The following MTUS2 variants were observed in gnomAD, a reference collection of about 807,000 sequenced individuals.
MTUS2 encodes the protein microtubule-associated tumor suppressor candidate 2.
MTUS2 carries 40 observed loss-of-function variants against 114.1 expected under a neutral mutation model. The observed-to-expected ratio is 0.35, with a 90% confidence interval of 0.27 to 0.46. The LOEUF is 0.46. Ranked by LOEUF, MTUS2 falls within the 20% of genes least tolerant of loss-of-function variation. The pLI is 1.00. For synonymous variants in MTUS2, 688 were observed against 672.0 expected (o/e 1.02, Z -0.37); for missense variants, 1,679 against 1,705.4 (o/e 0.98, Z 0.27).
At chr13:28,862,651 T>A (rs982332940) in intron 2 of MTUS2, among the ~76,000 whole-genome samples, 5 of 152,146 alleles carry the variant, frequency 3.3e-5, no homozygotes, top group Non-Finnish European at 1.5e-5. Flanking sequence ...ACACACAAGT[T>A]GTTGATTGTA....
At position 29,447,650 on chromosome 13, in the gene MTUS2, C is replaced by T. The variant is rs1226896581; in HGVS notation, c.3184+7601C>T. ...TTTTAATGCTGGTCATAAAGTATCT[C>T]ATCCTCAACTCACCCTCCATGGGTG... On this transcript the variant is annotated intron_variant, in intron 9 of 15. Coordinates refer to ENST00000612955, the MANE Select transcript of MTUS2 (RefSeq NM_001033602.4). Among the ~76,000 whole-genome samples the T allele has an allele frequency of 2.7e-5, 4 of 145,886 alleles. No individual in the cohort carries two copies. In the East Asian group the frequency reaches 8.0e-4, roughly 29 times the overall value.
chr13:29,423,904 G>C (rs531731656), intron 8 of MTUS2, among the ~76,000 whole-genome samples: 3 of 149,470 alleles, frequency 2.0e-5, no homozygotes, highest in African/African-American at 7.4e-5. Context: ...CACTTTTGTC[G>C]CCCAGGCTAC....
chr13:29,214,275 G>A (rs187705710), intron 5 of MTUS2, among the ~76,000 whole-genome samples: 102 of 151,622 alleles, frequency 6.7e-4, no homozygotes, highest in African/African-American at 2.4e-3. Context: ...CGGGTCTCCT[G>A]AATACAGCAC....
chr13:29,368,358 T>C (rs149005072), intron 8 of MTUS2, among the ~76,000 whole-genome samples: 3 of 152,262 alleles, frequency 2.0e-5, no homozygotes, highest in South Asian at 2.1e-4. Flanking sequence ...GAATTGCTGC[T>C]TCTTTTACAT....
At chr13:28,965,289 T>C (rs149479782) in intron 2 of MTUS2, among the ~76,000 whole-genome samples, 124 of 152,306 alleles carry the variant, frequency 8.1e-4, no homozygotes, top group African/African-American at 2.8e-3. Flanking sequence ...ACAAGTGGCC[T>C]CTAAGTCACT....
At chr13:29,079,516 A>T (rs1325954032) in intron 4 of MTUS2, among the ~76,000 whole-genome samples, 1 of 152,016 alleles carries the variant, frequency 6.6e-6, no homozygotes, top group Admixed American at 6.6e-5. Flanking sequence ...ATTTATACCT[A>T]TTTTTCCCCA....
chr13:28,999,329 T>TG (rs1206600026), intron 2 of MTUS2, among the ~76,000 whole-genome samples: 1 of 152,140 alleles, frequency 6.6e-6, no homozygotes, highest in African/African-American at 2.4e-5. Flanking sequence ...TTAGGCTACT[T>TG]GGGGGTCAGG....
At chr13:29,267,301 C>G (rs1897702597) in intron 5 of MTUS2, among the ~76,000 whole-genome samples, 1 of 152,250 alleles carries the variant, frequency 6.6e-6, no homozygotes, top group Non-Finnish European at 1.5e-5. Flanking sequence ...TAAATGCCAA[C>G]TCCTCCAAGA....
intron 2 of MTUS2, among the ~76,000 whole-genome samples, chr13:28,869,796 A>T (rs1005195374): frequency 2.6e-5 from 4 of 152,138 alleles, no homozygotes; most frequent in Non-Finnish European, 5.9e-5. Flanking sequence ...AAACAAAAAA[A>T]GTAGTAAAAC....
rs764598546 is a variant in MTUS2 at position 29,026,354 on chromosome 13, T to G, written c.1656T>G (p.Ser552Arg). 6.2e-7 allele frequency: 1 copy of G among 1,613,918 alleles called. No individual in the cohort carries two copies. The highest frequency in any genetic ancestry group is 2.2e-5 in the East Asian group (1 of 44,872). Reference protein sequence around the residue: ...VNMTYQPTTPSSSFQDVSVFG... With the variant: ...VNMTYQPTTPRSSFQDVSVFG... ...TGACCTACCAGCCTACAACACCCAGTAGCAGTTTTCAGGATGTTAGCGTGT... is the reference window on the plus strand; with the variant it reads ...TGACCTACCAGCCTACAACACCCAGGAGCAGTTTTCAGGATGTTAGCGTGT... The change falls in exon 3 of 16, where the codon AGT becomes AGG. Residue 552 changes from serine to arginine, a missense_variant. Ser to Arg is a moderately radical substitution (Grantham distance 110). Transcript: ENST00000612955.
intron 4 of MTUS2, among the ~76,000 whole-genome samples, chr13:29,092,732 G>A (rs2479801): frequency 0.7 from 102,213 of 146,124 alleles, 35,083 homozygotes; most frequent in Non-Finnish European, 0.76. Context: ...GGGCAGAGAC[G>A]TCATTGGCCA....
chr13:29,497,147 A>C, intron 12 of MTUS2, 91 bp from the exon 13 acceptor site: 1 of 1,122,240 alleles, frequency 8.9e-7, no homozygotes, highest in South Asian at 1.3e-5. Context: ...TGCCCAGGGC[A>C]CAGTGGTGGC....
At chr13:29,406,382 G>T (rs1223042060) in intron 8 of MTUS2, among the ~76,000 whole-genome samples, 1 of 152,118 alleles carries the variant, frequency 6.6e-6, no homozygotes, top group Non-Finnish European at 1.5e-5. Context: ...GACTGGGGCT[G>T]GAGAATTCTC....
intron 5 of MTUS2, among the ~76,000 whole-genome samples, chr13:29,148,616 C>T (rs2139030571): frequency 8.7e-6 from 1 of 114,520 alleles, no homozygotes; most frequent in African/African-American, 2.6e-5. Context: ...GTAGCTGGGA[C>T]TACAGGCGCC....
At chr13:29,467,225 T>C (rs1335207813) in intron 9 of MTUS2, among the ~76,000 whole-genome samples, 2 of 152,226 alleles carry the variant, frequency 1.3e-5, no homozygotes, top group Admixed American at 1.3e-4. Context: ...TTAAAACTTT[T>C]GCCTGTGTTT....
intron 2 of MTUS2, among the ~76,000 whole-genome samples, chr13:28,975,190 T>C (rs944162800): frequency 2.0e-5 from 3 of 152,104 alleles, no homozygotes; most frequent in African/African-American, 7.2e-5. Context: ...TAGTGTGGAG[T>C]GGGTAGGAAT....
At chr13:29,253,128 T>C (rs1322158394) in intron 5 of MTUS2, among the ~76,000 whole-genome samples, 2 of 151,540 alleles carry the variant, frequency 1.3e-5, no homozygotes, top group Non-Finnish European at 2.9e-5. Context: ...TTTCTCTCTC[T>C]AAAAATCACA....
intron 5 of MTUS2, among the ~76,000 whole-genome samples, chr13:29,258,757 G>C (rs1341077240): frequency 1.3e-5 from 2 of 152,108 alleles, no homozygotes; most frequent in African/African-American, 4.8e-5. Context: ...TTTCTCTTCT[G>C]CTTAAGCCTG....
chr13:29,210,529 T>C (rs1895380965), intron 5 of MTUS2, among the ~76,000 whole-genome samples: 1 of 152,158 alleles, frequency 6.6e-6, no homozygotes, highest in Non-Finnish European at 1.5e-5. Context: ...AGAATTGTTT[T>C]TCTGGTTCCT....
Sources: allele counts gnomAD v4.1 joint callset (sites outside exome capture counted in the v4.1 genomes callset), GRCh38; gene constraint gnomAD v4.1.1; transcripts MANE v1.5; gene names NCBI Gene and HGNC (gene_info 2026-07-23, HGNC 2026-07-21).